PTPRT: variants seen among roughly 807,000 people sequenced by gnomAD.
The protein encoded by PTPRT is receptor-type tyrosine-protein phosphatase T.
Under a neutral mutation model 176.8 loss-of-function variants are expected in PTPRT, and 56 were observed. The observed-to-expected ratio is 0.32, with a 90% CI of 0.26 to 0.40. The LOEUF (loss-of-function observed/expected upper bound fraction) is 0.40, where lower values mean the gene tolerates loss of function less well. PTPRT is among the 10% of genes least tolerant of loss of function. PTPRT has a pLI of 1.00. For missense variants in PTPRT, 1,540 were observed against 1,908.2 expected (o/e 0.81, Z 3.60); for synonymous variants, 783 against 739.0 (o/e 1.06, Z -0.96).
In PTPRT at chr20:43,002,173, T is replaced by C. The variant is rs562361925; in HGVS notation, c.89-116241A>G. On this transcript the variant is annotated intron_variant, in intron 1 of 30. Transcript: ENST00000373187. ...GTGCCTGCTTTCTCTTCTGCCATGA[T>C]TGTAAGTTTCCCGAGGCCTCCCTAG... is the stretch of plus-strand genomic sequence containing the variant. Among the ~76,000 whole-genome samples, 11 of 152,294 alleles carry C rather than the reference T, an allele frequency of 7.2e-5. No homozygotes were observed. In the East Asian group the frequency reaches 7.7e-4, roughly 11 times the overall value.
At chr20:43,169,113 T>G (rs1423184411) in intron 1 of PTPRT, among the ~76,000 whole-genome samples, 1 of 152,182 alleles carries the variant, frequency 6.6e-6, no homozygotes, top group Admixed American at 6.5e-5. Context: ...CAGCCTTGGG[T>G]TGGTCCTCTA....
chr20:42,714,495 T>C (rs1426766537), intron 6 of PTPRT, among the ~76,000 whole-genome samples: 1 of 152,192 alleles, frequency 6.6e-6, no homozygotes, highest in African/African-American at 2.4e-5. Flanking sequence ...TAAAGTACAC[T>C]ATGTAGCAGA....
At chr20:42,617,478 C>T (rs920746190) in intron 7 of PTPRT, among the ~76,000 whole-genome samples, 1 of 132,844 alleles carries the variant, frequency 7.5e-6, no homozygotes, top group Non-Finnish European at 1.6e-5. Flanking sequence ...AGGATTCCCT[C>T]TTTTTCTGTT....
chr20:42,901,763 A>C (rs1192757608), intron 1 of PTPRT, among the ~76,000 whole-genome samples: 4 of 152,230 alleles, frequency 2.6e-5, no homozygotes, highest in African/African-American at 9.6e-5. Flanking sequence ...GGAAGCAGAA[A>C]AATAAATAGA....
At position 42,472,567 on chromosome 20, in the gene PTPRT, A is replaced by G. The variant is rs1411952244; in HGVS notation, c.1154-5T>C. ...TCTGTGGGCCATGTACCGGATCTGC[A>G]AAACATGCAGGCAAGAAACAAGGGT... On this transcript the variant is annotated splice_region_variant and splice_polypyrimidine_tract_variant and intron_variant, in intron 7 of 30. Coordinates refer to ENST00000373187, the MANE Select transcript of PTPRT (RefSeq NM_007050.6). The G allele has an allele frequency of 6.2e-7, 1 of 1,612,948 alleles. No individual in the cohort carries two copies.
At position 42,738,280 on chromosome 20, in the gene PTPRT, G is replaced by A. The variant is rs141500788; in HGVS notation, c.859+18182C>T. Among the ~76,000 whole-genome samples, 19 of 152,256 alleles carry A rather than the reference G, an allele frequency of 1.2e-4. No individual in the cohort carries two copies. The East Asian group carries it at 3.7e-3, about 29-fold the overall frequency. On this transcript the variant is annotated intron_variant, in intron 6 of 30. Transcript: ENST00000373187. ...GTAATCCTAGCACTTGGGAGGCCGA[G>A]GTGAGTGGATCACTTAAGGGCAGGA...
chr20:42,237,067 A>G (rs73268896), intron 14 of PTPRT, among the ~76,000 whole-genome samples: 13,558 of 152,146 alleles, frequency 0.089, 2,011 homozygotes, highest in African/African-American at 0.31. Flanking sequence ...GAGACTACAT[A>G]AAAAGAAAGA....
chr20:42,784,181 GCTCTGA>G (rs1301869131), intron 3 of PTPRT, among the ~76,000 whole-genome samples: 27 of 152,292 alleles, frequency 1.8e-4, no homozygotes, highest in Admixed American at 1.6e-3. Flanking sequence ...CCCACAAGAG[GCTCTGA>G]GATGAGTCTT....
the PTPRT span, among the ~76,000 whole-genome samples, chr20:42,034,238 G>A: frequency 6.6e-6 from 1 of 152,142 alleles, no homozygotes; most frequent in Non-Finnish European, 1.5e-5. Context: ...GTGGTGGCTG[G>A]CAGCATTCAT....
chr20:42,542,695 G>A (rs2072605308), intron 7 of PTPRT, among the ~76,000 whole-genome samples: 1 of 152,152 alleles, frequency 6.6e-6, no homozygotes, highest in Admixed American at 6.5e-5. Flanking sequence ...ACTCACACAT[G>A]CATGAAATAA....
intron 1 of PTPRT, among the ~76,000 whole-genome samples, chr20:42,951,955 T>C: frequency 6.6e-6 from 1 of 152,206 alleles, no homozygotes; most frequent in South Asian, 2.1e-4. Flanking sequence ...AAGAAAATGT[T>C]TTTAACACCA....
At chr20:42,286,926 G>A (rs2147072585) in intron 12 of PTPRT, among the ~76,000 whole-genome samples, 1 of 151,794 alleles carries the variant, frequency 6.6e-6, no homozygotes, top group South Asian at 2.1e-4. Context: ...AAAAAAATGG[G>A]CAAATGATCT....
chr20:42,976,407 AT>A (rs58685843), intron 1 of PTPRT, among the ~76,000 whole-genome samples: 6,010 of 145,170 alleles, frequency 0.041, 370 homozygotes, highest in African/African-American at 0.13. Context: ...TTTTTTATTT[AT>A]TTTTTTTTTT....
rs2057069288 is a variant in PTPRT, at chr20:42,277,894, A to ATCCATCCT, written c.2176+4594_2176+4595insAGGATGGA. On this transcript the variant is annotated intron_variant, in intron 13 of 30. Coordinates refer to ENST00000373187, the MANE Select transcript of PTPRT (RefSeq NM_007050.6). Reference sequence around the variant, plus strand: ...CTGTTAGTCATCCACTCATCCATCCATCCATCCATCCATCCATCCATCCAT... The same window carrying ATCCATCCT: ...CTGTTAGTCATCCACTCATCCATCCATCCATCCTTCCATCCATCCATCCATCCATCCAT... 2.7e-5 allele frequency among the ~76,000 whole-genome samples: 4 copies of ATCCATCCT among 148,752 alleles called. No homozygotes were observed. The South Asian group carries it at 8.8e-4, about 33-fold the overall frequency.
At chr20:42,130,724 C>G (rs554842056) in intron 18 of PTPRT, among the ~76,000 whole-genome samples, 1 of 152,098 alleles carries the variant, frequency 6.6e-6, no homozygotes, top group African/African-American at 2.4e-5. Flanking sequence ...ATACTAAATG[C>G]GACTTTTCTT....
At chr20:42,163,380 T>C (rs1211378053) in intron 16 of PTPRT, among the ~76,000 whole-genome samples, 3 of 152,204 alleles carry the variant, frequency 2.0e-5, no homozygotes, top group Non-Finnish European at 4.4e-5. Flanking sequence ...GGCAAGTCGT[T>C]AGCAAAACCT....
intron 9 of PTPRT, among the ~76,000 whole-genome samples, chr20:42,370,090 G>A (rs759526031): frequency 1.3e-5 from 2 of 152,114 alleles, no homozygotes; most frequent in Non-Finnish European, 2.9e-5. Flanking sequence ...ATGAGCCATG[G>A]ATTCATCCAA....
chr20:42,734,322 A>G (rs1205486169), intron 6 of PTPRT, among the ~76,000 whole-genome samples: 2 of 152,178 alleles, frequency 1.3e-5, no homozygotes, highest in Admixed American at 6.5e-5. Flanking sequence ...ATAAAGGCAT[A>G]TAAAGGACCA....
chr20:42,947,801 A>G (rs904495937), intron 1 of PTPRT, among the ~76,000 whole-genome samples: 2 of 151,746 alleles, frequency 1.3e-5, no homozygotes, highest in Admixed American at 6.6e-5. Context: ...ACTCCCGGAA[A>G]TTGTCTTGCC....
Sources: gnomAD v4.1 joint callset for allele counts (sites outside exome capture counted in the v4.1 genomes callset) on GRCh38, gnomAD v4.1.1 for gene constraint, MANE v1.5 for transcripts, NCBI Gene and HGNC (gene_info 2026-07-23, HGNC 2026-07-21) for gene names.